Variants in TMIGD2 observed in about 807,000 individuals in gnomAD.
TMIGD2 encodes the protein transmembrane and immunoglobulin domain-containing protein 2.
Under a neutral mutation model 22.6 loss-of-function variants are expected in TMIGD2, and 18 were observed. The observed-to-expected ratio is 0.80, with a 90% confidence interval of 0.55 to 1.18. The LOEUF (loss-of-function observed/expected upper bound fraction) is 1.18. Among genes scored for constraint, TMIGD2 ranks in the 50% most tolerant of loss-of-function variants. The probability of loss-of-function intolerance (pLI) is 0.00; values close to 1 mark genes in which losing one functional copy is unlikely to be tolerated. For missense variants in TMIGD2, 361 were observed against 378.2 expected (o/e 0.95, Z 0.38); for synonymous variants, 184 against 154.1 (o/e 1.19, Z -1.44).
chr19:4,297,350 T>A (rs1461866705), intron 2 of TMIGD2, among the ~76,000 whole-genome samples: 2 of 151,644 alleles, frequency 1.3e-5, no homozygotes, highest in Non-Finnish European at 2.9e-5. Flanking sequence ...ATTACAGGGA[T>A]GAGCTACCGC....
intron 4 of TMIGD2, among the ~76,000 whole-genome samples, chr19:4,293,779 T>C (rs1235028726): frequency 2.0e-5 from 3 of 151,342 alleles, no homozygotes; most frequent in Non-Finnish European, 4.4e-5. Flanking sequence ...TTGTTGTTGT[T>C]GAGATGGAGT....
rs535964284 is a variant in TMIGD2 at position 4,298,699 on chromosome 19, G to A, written c.47-354C>T. Among the ~76,000 whole-genome samples, 3 of 152,208 alleles carry A rather than the reference G, an allele frequency of 2.0e-5. No individual in the cohort carries two copies. In the East Asian group the frequency reaches 5.8e-4, roughly 29 times the overall value. ...TGCGGTGAGCTATGATTGCACCACTGCACTCCAGCCTGGGTGACAAAGCAA... is the reference window on the plus strand; with the variant it reads ...TGCGGTGAGCTATGATTGCACCACTACACTCCAGCCTGGGTGACAAAGCAA... On this transcript the variant is annotated intron_variant, in intron 1 of 4. Coordinates refer to ENST00000301272, the Ensembl canonical transcript of TMIGD2.
chr19:4,298,016 C>T (rs748783499), exon 2 of TMIGD2: 1 of 1,609,134 alleles, frequency 6.2e-7, no homozygotes, highest in Non-Finnish European at 8.5e-7. Flanking sequence ...GTTATGTTGC[C>T]CTCAGCCTCC....
At chr19:4,297,292 C>T (rs960100919) in intron 2 of TMIGD2, among the ~76,000 whole-genome samples, 3 of 151,984 alleles carry the variant, frequency 2.0e-5, no homozygotes, top group African/African-American at 7.3e-5. Context: ...TGGTCTCGAA[C>T]CCCTGACCTC....
At chr19:4,301,129 C>T (rs1217772486) in intron 1 of TMIGD2, among the ~76,000 whole-genome samples, 3 of 152,078 alleles carry the variant, frequency 2.0e-5, no homozygotes, top group Non-Finnish European at 2.9e-5. Flanking sequence ...CTCGCTACCA[C>T]GCCCAGCTAA....
intron 2 of TMIGD2, among the ~76,000 whole-genome samples, chr19:4,296,718 C>T (rs939494024): frequency 7.3e-5 from 11 of 151,232 alleles, no homozygotes; most frequent in South Asian, 2.1e-4. Flanking sequence ...ACGTGTCCCC[C>T]GCCAGCAGGC....
At chr19:4,293,171 C>G (rs12460936) in intron 4 of TMIGD2, among the ~76,000 whole-genome samples, 2 of 151,258 alleles carry the variant, frequency 1.3e-5, no homozygotes, top group Non-Finnish European at 2.9e-5. Flanking sequence ...CACTGTTAGC[C>G]AGGATGGTCT....
At chr19:4,300,198 T>G (rs1057195222) in intron 1 of TMIGD2, among the ~76,000 whole-genome samples, 7 of 150,220 alleles carry the variant, frequency 4.7e-5, no homozygotes, top group Non-Finnish European at 1.0e-4. Context: ...GAGGTGGAGG[T>G]TGCAGTGACC....
At chr19:4,300,534 C>T (rs1455202104) in intron 1 of TMIGD2, among the ~76,000 whole-genome samples, 1 of 151,956 alleles carries the variant, frequency 6.6e-6, no homozygotes, top group African/African-American at 2.4e-5. Context: ...TCCAGCCTGG[C>T]GACAGAGCGA....
chr19:4,301,012 G>A (rs1243510124), intron 1 of TMIGD2, among the ~76,000 whole-genome samples: 3 of 152,132 alleles, frequency 2.0e-5, no homozygotes, highest in South Asian at 2.1e-4. Flanking sequence ...TCACTCTGTT[G>A]CCCAGGTGGG....
At chr19:4,293,018 C>T (rs1473564369) in intron 4 of TMIGD2, 133 bp from the exon 5 acceptor site, 6 of 1,354,110 alleles carry the variant, frequency 4.4e-6, no homozygotes, top group East Asian at 4.8e-5. Context: ...GGCTGGAGTG[C>T]AGTGGCGCAA....
exon 5 of TMIGD2, chr19:4,292,695 C>T (rs764563314): frequency 3.7e-6 from 6 of 1,603,202 alleles, no homozygotes; most frequent in Non-Finnish European, 4.3e-6. Context: ...GGTGGCCGGG[C>T]CTGGGGCTGG....
At chr19:4,300,489 G>A (rs568910877) in intron 1 of TMIGD2, among the ~76,000 whole-genome samples, 35 of 151,962 alleles carry the variant, frequency 2.3e-4, no homozygotes, top group Non-Finnish European at 4.6e-4. Flanking sequence ...CCCGGGAGGC[G>A]GAGGTTGCAG....
chr19:4,298,650 C>T (rs904677129), intron 1 of TMIGD2, among the ~76,000 whole-genome samples: 25 of 152,120 alleles, frequency 1.6e-4, no homozygotes, highest in African/African-American at 5.5e-4. Context: ...GTGAAGGGAT[C>T]GCTTGAGCCC....
intron 1 of TMIGD2, 116 bp downstream of exon 1, chr19:4,302,224 G>A: frequency 9.1e-7 from 1 of 1,100,398 alleles, no homozygotes; most frequent in Non-Finnish European, 1.3e-6. Flanking sequence ...GGAGGGAGAT[G>A]GGCCTTATCT....
chr19:4,292,564 A>G (rs751193393), exon 5 of TMIGD2: 1 of 1,588,572 alleles, frequency 6.3e-7, no homozygotes, highest in Admixed American at 1.7e-5. Context: ...GTGTGTACCT[A>G]TGGGTGGGGT....
chr19:4,294,605 C>A (rs370727587), exon 4 of TMIGD2: 14 of 1,610,492 alleles, frequency 8.7e-6, no homozygotes, highest in South Asian at 3.3e-5. Context: ...GCAGCTGCGG[C>A]GGCCCCAGAA....
intron 3 of TMIGD2, 44 bp downstream of exon 3, chr19:4,294,731 T>C (rs1193376724): frequency 6.4e-7 from 1 of 1,570,596 alleles, no homozygotes; most frequent in African/African-American, 1.4e-5. Context: ...GGGGTGGTGA[T>C]GCGGGTGGAA....
chr19:4,297,116 G>T (rs997607296), intron 2 of TMIGD2, among the ~76,000 whole-genome samples: 21 of 128,748 alleles, frequency 1.6e-4, no homozygotes, highest in African/African-American at 6.2e-4. Flanking sequence ...TTGCTCTGTA[G>T]CCCAGGCTGG....
Sources: allele counts gnomAD v4.1 joint callset (sites outside exome capture counted in the v4.1 genomes callset), GRCh38; gene constraint gnomAD v4.1.1; transcripts MANE v1.5; gene names NCBI Gene and HGNC (gene_info 2026-07-23, HGNC 2026-07-21).